TGM6: variants seen among roughly 807,000 people sequenced by gnomAD.
TGM6 encodes transglutaminase 6, also known as protein-glutamine gamma-glutamyltransferase 6.
Under a neutral mutation model 77.5 loss-of-function variants are expected in TGM6, and 74 were observed. The ratio of observed to expected loss-of-function variants is 0.96; its 90% CI spans 0.79 to 1.16. The LOEUF is 1.16. Ranked by LOEUF, TGM6 falls within the 50% of genes most tolerant of loss-of-function variation. TGM6 has a pLI of 0.00. For synonymous variants in TGM6, 383 were observed against 378.9 expected (o/e 1.01, Z -0.12); for missense variants, 968 against 940.2 (o/e 1.03, Z -0.39).
In TGM6 at chr20:2,394,532, C is replaced by A. The variant is rs759286495; in HGVS notation, c.88C>A (p.Leu30Met). The A allele has an allele frequency of 4.3e-6, 7 of 1,612,010 alleles. No individual in the cohort carries two copies. In the South Asian group the frequency reaches 7.7e-5, roughly 18 times the overall value. The change falls in exon 2 of 13, where the codon CTG (leucine) becomes ATG (methionine). Residue 30 changes from leucine to methionine, a missense_variant. Coordinates refer to ENST00000202625, the MANE Select transcript of TGM6 (RefSeq NM_198994.3). ...HHTQEYPCPELVVRRGQSFSL... is the reference protein window; with the variant it reads ...HHTQEYPCPEMVVRRGQSFSL... ...CACCCAGGAGTACCCCTGCCCTGAG[C>A]TGGTGGTTCGCAGGGGCCAGTCGTT...
intron 1 of TGM6, among the ~76,000 whole-genome samples, chr20:2,393,565 G>A (rs1043617298): frequency 3.3e-5 from 5 of 152,102 alleles, no homozygotes; most frequent in Non-Finnish European, 7.3e-5. Flanking sequence ...GGAGAGTCTC[G>A]CTCTGTGGCC....
Position 2,395,201 on chromosome 20 carries a change from G to A in TGM6, c.189G>A (p.Arg63=). 1 of 1,613,360 alleles carries A rather than the reference G, an allele frequency of 6.2e-7. No individual in the cohort carries two copies. The highest frequency in any genetic ancestry group is 2.2e-5 in the East Asian group (1 of 44,876). Reference sequence around the variant, plus strand: ...CCCTCTCCTCTCCTCCAGGACCCCGGGCTTCTGAGGCCCTCCACACCAAAG... The same window carrying A: ...CCCTCTCCTCTCCTCCAGGACCCCGAGCTTCTGAGGCCCTCCACACCAAAG... ...ILIFTMETGP[R]ASEALHTKAV... is the part of the protein sequence containing the mutation. The change falls in exon 3 of 13, where the codon CGG becomes CGA. Residue 63 remains arginine, a synonymous_variant. Transcript: ENST00000202625.
intron 1 of TGM6, among the ~76,000 whole-genome samples, chr20:2,388,286 G>C (rs1357977622): frequency 1.3e-5 from 2 of 152,156 alleles, no homozygotes. Context: ...CAAACATTTT[G>C]ACCAGCCCTG....
intron 1 of TGM6, among the ~76,000 whole-genome samples, chr20:2,389,928 TTA>T (rs1183358525): frequency 6.6e-6 from 1 of 152,198 alleles, no homozygotes; most frequent in Non-Finnish European, 1.5e-5. Flanking sequence ...TCTTTACTAC[TTA>T]TGACACTAGC....
intron 9 of TGM6, among the ~76,000 whole-genome samples, chr20:2,404,186 A>C (rs1202265047): frequency 6.6e-6 from 1 of 152,252 alleles, no homozygotes; most frequent in East Asian, 1.9e-4. Context: ...CACCTAGGAC[A>C]AACGCATGGC....
At chr20:2,406,402 A>G (rs923778096) in intron 9 of TGM6, among the ~76,000 whole-genome samples, 3 of 151,168 alleles carry the variant, frequency 2.0e-5, no homozygotes, top group Non-Finnish European at 4.4e-5. Flanking sequence ...CTCCAGTGGG[A>G]GGAATGCTTG....
chr20:2,409,484 T>G (rs1410091271), intron 9 of TGM6, among the ~76,000 whole-genome samples: 2 of 151,968 alleles, frequency 1.3e-5, no homozygotes, highest in African/African-American at 4.8e-5. Context: ...GGCCGAGGTG[T>G]GCAGATCACC....
chr20:2,394,660 C>T (rs886708901), intron 2 of TGM6, 35 bp downstream of exon 2: 9 of 1,581,002 alleles, frequency 5.7e-6, no homozygotes, highest in Admixed American at 1.8e-5. Context: ...TTCTCGTCTG[C>T]AGCTGGAGGG....
intron 7 of TGM6, among the ~76,000 whole-genome samples, chr20:2,403,069 T>A (rs1401378710): frequency 6.6e-6 from 1 of 152,214 alleles, no homozygotes; most frequent in African/African-American, 2.4e-5. Context: ...GTCACTTGCA[T>A]TTGTTTGATT....
intron 9 of TGM6, among the ~76,000 whole-genome samples, chr20:2,408,755 G>A (rs2084767619): frequency 6.6e-6 from 1 of 152,084 alleles, no homozygotes; most frequent in South Asian, 2.1e-4. Context: ...TGTGTTTATT[G>A]AGCATTTACT....
chr20:2,393,593 G>A (rs1250585414), intron 1 of TGM6, among the ~76,000 whole-genome samples: 5 of 152,140 alleles, frequency 3.3e-5, no homozygotes, highest in Non-Finnish European at 7.4e-5. Flanking sequence ...GAGTGCAGTG[G>A]TGCAATCTGA....
intron 1 of TGM6, among the ~76,000 whole-genome samples, chr20:2,383,656 G>T (rs930279377): frequency 4.6e-5 from 7 of 152,200 alleles, no homozygotes; most frequent in African/African-American, 7.2e-5. Flanking sequence ...GATTGAACAG[G>T]TTGAGCTGAA....
At position 2,397,991 on chromosome 20, in the gene TGM6, C is replaced by T. The variant is rs2084680530; in HGVS notation, c.617C>T (p.Thr206Ile). The T allele has an allele frequency of 6.2e-7, 1 of 1,614,142 alleles. No individual in the cohort carries two copies. The highest frequency in any genetic ancestry group is 8.5e-7 in the Non-Finnish European group (1 of 1,180,028). The change falls in exon 5 of 13, where the codon ACC becomes ATC. Residue 206 changes from threonine to isoleucine, a missense_variant. Physicochemically the swap from Thr to Ile is moderately conservative, Grantham distance 89. Transcript: ENST00000202625. ...RSPGHQNNPATDVSCRHNPIY... is the reference protein window; with the variant it reads ...RSPGHQNNPAIDVSCRHNPIY... ...CCCGGTCACCAAAACAACCCAGCCACCGACGTGTCCTGCCGCCACAACCCC... is the reference window on the plus strand; with the variant it reads ...CCCGGTCACCAAAACAACCCAGCCATCGACGTGTCCTGCCGCCACAACCCC...
chr20:2,407,977 AGAG>A (rs1396240252), intron 9 of TGM6, among the ~76,000 whole-genome samples: 1 of 152,202 alleles, frequency 6.6e-6, no homozygotes, highest in African/African-American at 2.4e-5. Context: ...AAAGGAACAA[AGAG>A]GAGGAGTCTC....
intron 5 of TGM6, 55 bp from the exon 6 acceptor site, chr20:2,399,506 G>A (rs1477670189): frequency 1.9e-6 from 3 of 1,611,366 alleles, no homozygotes; most frequent in Non-Finnish European, 2.5e-6. Flanking sequence ...CCACGATGCG[G>A]TTCTTGAGGT....
intron 10 of TGM6, among the ~76,000 whole-genome samples, chr20:2,417,888 T>A (rs925690979): frequency 2.6e-5 from 4 of 152,128 alleles, no homozygotes; most frequent in African/African-American, 9.7e-5. Flanking sequence ...ATGCTGGGGG[T>A]ATTTCAGCAT....
chr20:2,399,156 A>AAAAAAAAAAG (rs1555799792), intron 5 of TGM6, among the ~76,000 whole-genome samples: 1 of 146,518 alleles, frequency 6.8e-6, no homozygotes, highest in Non-Finnish European at 1.5e-5. Context: ...AAAAAAAAAA[A>AAAAAAAAAAG]AGAATAATGA....
chr20:2,407,778 G>A (rs779947016), intron 9 of TGM6, among the ~76,000 whole-genome samples: 28 of 152,184 alleles, frequency 1.8e-4, no homozygotes, highest in Non-Finnish European at 3.4e-4. Context: ...TCTTCGCTGA[G>A]TGGCCTTGGT....
intron 9 of TGM6, among the ~76,000 whole-genome samples, chr20:2,416,111 C>G (rs982613456): frequency 1.3e-5 from 2 of 152,186 alleles, no homozygotes; most frequent in African/African-American, 4.8e-5. Context: ...GTGGTGTTAG[C>G]AACTTTTCTT....
Sources: allele counts gnomAD v4.1 joint callset (sites outside exome capture counted in the v4.1 genomes callset), GRCh38; gene constraint gnomAD v4.1.1; transcripts MANE v1.5; gene names NCBI Gene and HGNC (gene_info 2026-07-23, HGNC 2026-07-21).